The following CHRNA3 variants were observed in gnomAD, a reference collection of about 807,000 sequenced individuals.
CHRNA3 encodes neuronal acetylcholine receptor subunit alpha-3.
Under a neutral mutation model 41.9 loss-of-function variants are expected in CHRNA3, and 34 were observed. The ratio of observed to expected loss-of-function variants is 0.81; its 90% CI spans 0.62 to 1.08. CHRNA3 has a LOEUF of 1.08. Among genes scored for constraint, CHRNA3 ranks in the 50% least tolerant of loss-of-function variants. The pLI, the probability that CHRNA3 is intolerant of heterozygous loss-of-function variation, is 0.00. For synonymous variants in CHRNA3, 281 were observed against 265.2 expected, an observed-to-expected ratio of 1.06 and a Z score of -0.58; for missense variants, 542 against 638.3, an observed-to-expected ratio of 0.85 and a Z score of 1.63.
At chr15:78,596,754 GAAAA>G (rs753525404) in intron 5 of CHRNA3, 22 bp from the exon 6 acceptor site, 7 of 1,574,840 alleles carry the variant, frequency 4.4e-6, no homozygotes, top group East Asian at 4.6e-5. Context: ...AATGATAAAA[GAAAA>G]AAAACATGGA....
At chr15:78,611,725 A>G (rs1197581564) in intron 4 of CHRNA3, among the ~76,000 whole-genome samples, 3 of 151,792 alleles carry the variant, frequency 2.0e-5, no homozygotes, top group Non-Finnish European at 4.4e-5. Context: ...GGCCAGGGCA[A>G]TTAGGCAGGA....
At chr15:78,610,943 C>G (rs1401682439) in intron 4 of CHRNA3, among the ~76,000 whole-genome samples, 1 of 152,234 alleles carries the variant, frequency 6.6e-6, no homozygotes, top group Non-Finnish European at 1.5e-5. Context: ...CTACAAACAA[C>G]TCTACGCAAA....
chr15:78,594,136 GCTTA>G (rs1469606707), downstream of CHRNA3: 1 of 152,066 alleles, frequency 6.6e-6, no homozygotes, highest in East Asian at 1.9e-4. Context: ...CTCCTTTAAG[GCTTA>G]CTTTATTCTT....
chr15:78,601,269 T>TGTGCTTTC lies in CHRNA3; in HGVS notation c.1365_1372dup (p.Gln458ArgfsTer20), dbSNP rs2053191979. ...TATCCTTACCTCTTTGGCTTCATTT[T>TGTGCTTTC]GTGCTTTCATATTTTCAGCAATATA... is the stretch of plus-strand genomic sequence containing the variant. On this transcript the variant is annotated frameshift_variant, in exon 5 of 6. Coordinates refer to ENST00000326828, the MANE Select transcript of CHRNA3 (RefSeq NM_000743.5). LOFTEE classifies it high-confidence loss of function. 6.2e-7 allele frequency: 1 copy of TGTGCTTTC among 1,613,004 alleles called. No individual in the cohort carries two copies. Among genetic ancestry groups the TGTGCTTTC allele is most frequent in the African/African-American group, 1.3e-5 (1 of 74,856 alleles).
chr15:78,605,119 A>C (rs2053263495), intron 4 of CHRNA3, among the ~76,000 whole-genome samples: 1 of 152,106 alleles, frequency 6.6e-6, no homozygotes, highest in East Asian at 1.9e-4. Flanking sequence ...AAAAAAAGAA[A>C]AGGTAGTATG....
At chr15:78,616,269 C>A (rs940882155) in intron 4 of CHRNA3, among the ~76,000 whole-genome samples, 7 of 151,764 alleles carry the variant, frequency 4.6e-5, no homozygotes, top group African/African-American at 1.7e-4. Flanking sequence ...AGGAGGATTT[C>A]TTGAACCCAG....
At chr15:78,614,933 G>A (rs2053438948) in intron 4 of CHRNA3, among the ~76,000 whole-genome samples, 1 of 152,132 alleles carries the variant, frequency 6.6e-6, no homozygotes. Context: ...GGACCTGTCT[G>A]GCAGAGGAAG....
chr15:78,593,140 C>A, downstream of CHRNA3: 1 of 1,613,668 alleles, frequency 6.2e-7, no homozygotes, highest in South Asian at 1.1e-5. Flanking sequence ...TCGGATGTTT[C>A]TGTGGACTTT....
intron 4 of CHRNA3, among the ~76,000 whole-genome samples, chr15:78,614,600 A>C (rs1014127580): frequency 3.3e-5 from 5 of 152,212 alleles, no homozygotes; most frequent in Non-Finnish European, 7.4e-5. Context: ...AATACTACTA[A>C]TAAGAAAACA....
chr15:78,602,274 C>T lies in CHRNA3; in HGVS notation c.378-10G>A, dbSNP rs183045252. 6 of 1,610,446 alleles carry T rather than the reference C, an allele frequency of 3.7e-6. No individual in the cohort carries two copies. The highest frequency in any genetic ancestry group is 1.7e-5 in the Admixed American group (1 of 59,806). On this transcript the variant is annotated splice_polypyrimidine_tract_variant and intron_variant, in intron 4 of 5. Transcript: ENST00000326828. ...GAAATCCCCAACAGCACTGCAAAGA[C>T]AAAGAGGGGGCACAGTGACACACGG...
Position 78,617,013 on chromosome 15 carries a change from CA to C in CHRNA3, c.377+10del. 1 of 1,601,378 alleles carries C rather than the reference CA, an allele frequency of 6.2e-7. No individual in the cohort carries two copies. The highest frequency in any genetic ancestry group is 1.3e-5 in the African/African-American group (1 of 74,814). On this transcript the variant is annotated intron_variant, in intron 4 of 5. Coordinates refer to ENST00000326828, the MANE Select transcript of CHRNA3 (RefSeq NM_000743.5). ...CAGCCCTGAGAGGGCGTGGGCCCCCCAGCACCTTACTTGTTATACAGCACAA... is the reference window on the plus strand; with the variant it reads ...CAGCCCTGAGAGGGCGTGGGCCCCCCGCACCTTACTTGTTATACAGCACAA...
intron 4 of CHRNA3, among the ~76,000 whole-genome samples, chr15:78,607,912 G>A (rs979971592): frequency 1.3e-5 from 2 of 152,100 alleles, no homozygotes; most frequent in Non-Finnish European, 2.9e-5. Flanking sequence ...CGGCACACCA[G>A]GAGATTACAT....
chr15:78,606,863 C>T (rs961585891), intron 4 of CHRNA3, among the ~76,000 whole-genome samples: 27 of 151,884 alleles, frequency 1.8e-4, no homozygotes, highest in Non-Finnish European at 1.0e-4. Context: ...CATGCCACCA[C>T]GAGAGTCTGT....
chr15:78,605,597 C>T (rs939208981), intron 4 of CHRNA3, among the ~76,000 whole-genome samples: 3 of 152,028 alleles, frequency 2.0e-5, no homozygotes, highest in Non-Finnish European at 4.4e-5. Context: ...TGGGCAAGAA[C>T]CAAAAAAATC....
rs1567075912 is a variant in CHRNA3 at position 78,601,457 on chromosome 15, G to A, written c.1185C>T (p.Tyr395=). Reference sequence around the variant, plus strand: ...AACCACACATCCCGTCCTGGCAGGGGTAGCCCTCCTTGCAGCCTTTGGACT... The same window carrying A: ...AACCACACATCCCGTCCTGGCAGGGATAGCCCTCCTTGCAGCCTTTGGACT... The part of the protein sequence containing the change: ...RAESKGCKEG[Y]PCQDGMCGYC... The change falls in exon 5 of 6, where the codon TAC becomes TAT. Residue 395 remains tyrosine (Y), a synonymous_variant. Transcript: ENST00000326828. 1 of 1,614,148 alleles carries A rather than the reference G, an allele frequency of 6.2e-7. No individual in the cohort carries two copies. Among genetic ancestry groups the A allele is most frequent in the Non-Finnish European group, 8.5e-7 (1 of 1,180,036 alleles).
chr15:78,615,429 GC>G (rs1026713433), intron 4 of CHRNA3, among the ~76,000 whole-genome samples: 1 of 152,202 alleles, frequency 6.6e-6, no homozygotes. Flanking sequence ...TGGCCCCAAA[GC>G]CACAGTGGAT....
chr15:78,598,559 C>T (rs1019313656), intron 5 of CHRNA3, among the ~76,000 whole-genome samples: 3 of 151,912 alleles, frequency 2.0e-5, no homozygotes, highest in Non-Finnish European at 4.4e-5. Context: ...TACACTTGGG[C>T]AATTTTTTGT....
At chr15:78,603,599 C>T (rs2053238823) in intron 4 of CHRNA3, among the ~76,000 whole-genome samples, 1 of 152,224 alleles carries the variant, frequency 6.6e-6, no homozygotes, top group African/African-American at 2.4e-5. Context: ...AAAGCCTAAA[C>T]ATTTAGGGAT....
In CHRNA3 at chr15:78,617,051, C is replaced by T; in HGVS notation, c.350G>A (p.Trp117Ter). The T allele has an allele frequency of 5.0e-6, 8 of 1,613,674 alleles. No homozygotes were observed. The highest frequency in any genetic ancestry group is 6.8e-6 in the Non-Finnish European group (8 of 1,179,836). ...GTTATACAGCACAATGTCTGGCTTC[C>T]AGATCTTCTGTGCAGGGACACGCAT... ...EFMRVPAQKI[W>*]KPDIVLYNNA... The change falls in exon 4 of 6, where the codon TGG becomes TAG. Residue 117 changes from tryptophan to a stop codon, truncating the protein, a stop_gained. Coordinates refer to ENST00000326828, the MANE Select transcript of CHRNA3 (RefSeq NM_000743.5). LOFTEE classifies it high-confidence loss of function.
Sources: allele counts gnomAD v4.1 joint callset (sites outside exome capture counted in the v4.1 genomes callset), GRCh38; gene constraint gnomAD v4.1.1; transcripts MANE v1.5; gene names NCBI Gene and HGNC (gene_info 2026-07-23, HGNC 2026-07-21).